Variants in MYO7A observed in about 807,000 individuals in gnomAD.
MYO7A encodes the protein myosin VIIA.
Under a neutral mutation model 263.8 loss-of-function variants are expected in MYO7A, and 210 were observed. The observed-to-expected ratio is 0.80, with a 90% CI of 0.71 to 0.89. The LOEUF (loss-of-function observed/expected upper bound fraction) is 0.89, where lower values mean the gene tolerates loss of function less well. Among genes scored for constraint, MYO7A ranks in the 40% least tolerant of loss-of-function variants. The pLI, the probability that MYO7A is intolerant of heterozygous loss-of-function variation, is 0.00. For missense variants in MYO7A, 2,820 were observed against 2,968.3 expected (o/e 0.95, Z 1.16); for synonymous variants, 1,239 against 1,197.3 (o/e 1.03, Z -0.72).
chr11:77,137,472 AAGG>A (rs1227096292), intron 2 of MYO7A, among the ~76,000 whole-genome samples: 2 of 152,104 alleles, frequency 1.3e-5, no homozygotes, highest in African/African-American at 2.4e-5. Context: ...GAGGAAGAAA[AAGG>A]AGGAAAGAGG....
chr11:77,182,863 G>T (rs1434255532), intron 25 of MYO7A, among the ~76,000 whole-genome samples: 1 of 152,236 alleles, frequency 6.6e-6, no homozygotes, highest in African/African-American at 2.4e-5. Context: ...CCCGTACTAT[G>T]TTTTTCTGAG....
intron 29 of MYO7A, 28 bp downstream of exon 29, chr11:77,190,167 T>A: frequency 6.5e-7 from 1 of 1,531,998 alleles, no homozygotes; most frequent in South Asian, 1.2e-5. Flanking sequence ...CACGTGCTCG[T>A]GTGCATGTGT....
intron 27 of MYO7A, among the ~76,000 whole-genome samples, chr11:77,185,481 G>GGATGCA (rs1955586200): frequency 6.6e-6 from 1 of 152,150 alleles, no homozygotes; most frequent in Non-Finnish European, 1.5e-5. Flanking sequence ...CTCCATAAGA[G>GGATGCA]GCAACTCCTC....
intron 39 of MYO7A, 61 bp downstream of exon 39, chr11:77,204,290 T>A (rs1957289349): frequency 3.9e-6 from 6 of 1,538,018 alleles, no homozygotes; most frequent in Non-Finnish European, 3.5e-6. Context: ...GGGCAGCTCT[T>A]ACCCTCCTGA....
At chr11:77,187,683 A>C (rs12805873) in intron 27 of MYO7A, among the ~76,000 whole-genome samples, 67,184 of 151,968 alleles carry the variant, frequency 0.44, 15,202 homozygotes, top group Non-Finnish European at 0.47. Flanking sequence ...GCCACCAAAA[A>C]ATCAACTCAG....
chr11:77,142,156 C>T (rs1222452701), intron 2 of MYO7A, among the ~76,000 whole-genome samples: 1 of 152,220 alleles, frequency 6.6e-6, no homozygotes, highest in Non-Finnish European at 1.5e-5. Flanking sequence ...AAAGCGACAT[C>T]CTCCCCCAGG....
intron 4 of MYO7A, 114 bp downstream of exon 4, chr11:77,148,064 T>C: frequency 1.0e-6 from 1 of 978,828 alleles, no homozygotes; most frequent in Non-Finnish European, 1.4e-6. Flanking sequence ...CCCTGCCTCC[T>C]GAGACTTTGT....
At position 77,147,888 on chromosome 11, in the gene MYO7A, G is replaced by C; in HGVS notation, c.223G>C (p.Asp75His). The C allele has an allele frequency of 1.3e-6, 2 of 1,594,756 alleles. No homozygotes were observed. Among genetic ancestry groups the C allele is most frequent in the Non-Finnish European group, 1.7e-6 (2 of 1,171,736 alleles). ...CGTGGAGGACATGATCCGCCTGGGG[G>C]ACCTCAACGAGGCGGGCATCTTGCG... is the stretch of plus-strand genomic sequence containing the variant. ...HGVEDMIRLG[D>H]LNEAGILRNL... Residue 75 changes from aspartate to histidine, a missense_variant, in exon 4 of 49, where the codon GAC (aspartate) becomes CAC (histidine). Transcript: ENST00000409709.
rs1053418626 is a variant in MYO7A, at chr11:77,128,431, G to C, written c.-105G>C. 6.6e-6 allele frequency: 1 copy of C among 152,374 alleles called. No individual in the cohort carries two copies. The highest frequency in any genetic ancestry group is 1.9e-4 in the East Asian group (1 of 5,196). 9.4% of individuals were successfully genotyped at this position (152,374 alleles called of 1,614,324 possible). On this transcript the variant is annotated 5_prime_UTR_variant, in exon 1 of 49. Coordinates refer to ENST00000409709, the MANE Select transcript of MYO7A (RefSeq NM_000260.4). ...CGTGACCCAGCTTCCTGAGTCCTCC[G>C]TGCAGGTGGCAGCTGTACCAGGCTG...
At chr11:77,141,120 C>T (rs569283914) in intron 2 of MYO7A, among the ~76,000 whole-genome samples, 10 of 152,206 alleles carry the variant, frequency 6.6e-5, no homozygotes, top group Non-Finnish European at 1.3e-4. Context: ...CCCATCCAGC[C>T]TAGGTGTGTA....
At chr11:77,184,986 C>G in intron 27 of MYO7A, 1 of 652,608 alleles carries the variant, frequency 1.5e-6, no homozygotes, top group Non-Finnish European at 2.7e-6. Flanking sequence ...ATAAAGAGAG[C>G]TGCAGAAATA....
Position 77,162,190 on chromosome 11 carries a change from C to G in MYO7A, c.1414C>G (p.Leu472Val). 1 of 1,598,184 alleles carries G rather than the reference C, an allele frequency of 6.3e-7. No homozygotes were observed. The highest frequency in any genetic ancestry group is 8.5e-7 in the Non-Finnish European group (1 of 1,172,132). Residue 472 changes from leucine (L) to valine (V), a missense_variant, in exon 13 of 49, where the codon CTG (leucine) becomes GTG (valine). Physicochemically the swap from Leu to Val is conservative, Grantham distance 32 (BLOSUM62 1). Coordinates refer to ENST00000409709, the MANE Select transcript of MYO7A (RefSeq NM_000260.4). ...QQFFVRHVFK[L>V]EQEEYDLESI... ...GTTCTTTGTGCGGCACGTGTTCAAG[C>G]TGGAGCAGGAGGAATATGACCTGGA...
chr11:77,150,410 T>A lies in MYO7A; in HGVS notation c.285+2460T>A, dbSNP rs188976074. ...CACCATGGGCACAGTGAATCTTGTT[T>A]GTAAAATTAGGAGGGTGGTGAACTG... On this transcript the variant is annotated intron_variant, in intron 4 of 48. Coordinates refer to ENST00000409709, the MANE Select transcript of MYO7A (RefSeq NM_000260.4). Among the ~76,000 whole-genome samples the A allele has an allele frequency of 1.8e-4, 28 of 152,178 alleles. No homozygotes were observed. In the East Asian group the frequency reaches 5.0e-3, roughly 27 times the overall value.
chr11:77,182,259 G>A, intron 24 of MYO7A, 105 bp downstream of exon 24: 1 of 1,490,418 alleles, frequency 6.7e-7, no homozygotes, highest in Non-Finnish European at 9.1e-7. Flanking sequence ...TGGGTCCCTG[G>A]GGGCCAGGGA....
intron 4 of MYO7A, among the ~76,000 whole-genome samples, chr11:77,152,283 T>C (rs1555057601): frequency 6.6e-6 from 1 of 152,272 alleles, no homozygotes; most frequent in East Asian, 1.9e-4. Flanking sequence ...GGTTTTCCAC[T>C]GGCCACATCC....
intron 24 of MYO7A, 29 bp downstream of exon 24, chr11:77,182,183 C>A: frequency 6.2e-7 from 1 of 1,611,034 alleles, no homozygotes; most frequent in Non-Finnish European, 8.5e-7. Flanking sequence ...TAGGTCACTG[C>A]TGGGTGGGGC....
chr11:77,180,516 A>C (rs369611162), intron 22 of MYO7A, 35 bp downstream of exon 22: 1 of 1,576,896 alleles, frequency 6.3e-7, no homozygotes, highest in Admixed American at 1.7e-5. Flanking sequence ...TTAGGTGTCC[A>C]CTTGCTGGCT....
In MYO7A at chr11:77,208,685, C is replaced by T; in HGVS notation, c.5945-12C>T. On this transcript the variant is annotated splice_polypyrimidine_tract_variant and intron_variant, in intron 43 of 48. Transcript: ENST00000409709. ...AGGGACCCTCTGGGTGACCGACTGCCCTGTGCTGCAGGAATTGTGCCCTCA... is the reference window on the plus strand; with the variant it reads ...AGGGACCCTCTGGGTGACCGACTGCTCTGTGCTGCAGGAATTGTGCCCTCA... 1 of 1,565,842 alleles carries T rather than the reference C, an allele frequency of 6.4e-7. No homozygotes were observed. Among genetic ancestry groups the T allele is most frequent in the Middle Eastern group, 1.7e-4 (1 of 6,000 alleles).
intron 31 of MYO7A, among the ~76,000 whole-genome samples, chr11:77,193,604 T>C (rs1348659785): frequency 1.3e-5 from 2 of 152,080 alleles, no homozygotes; most frequent in Non-Finnish European, 2.9e-5. Context: ...GTATTGGTGG[T>C]AAGCAAATAT....
Sources: gnomAD v4.1 joint callset for allele counts (sites outside exome capture counted in the v4.1 genomes callset) on GRCh38, gnomAD v4.1.1 for gene constraint, MANE v1.5 for transcripts, NCBI Gene and HGNC (gene_info 2026-07-23, HGNC 2026-07-21) for gene names.